The following TAFA5 variants were observed in gnomAD, a reference collection of about 807,000 sequenced individuals.
TAFA5 encodes the protein TAFA chemokine like family member 5, also known as chemokine-like protein TAFA-5.
In TAFA5, 6 loss-of-function variants were observed where a neutral mutation model predicts 15.3. The ratio of observed to expected loss-of-function variants is 0.39; its 90% CI spans 0.21 to 0.77. The LOEUF is 0.77. TAFA5 is among the 30% of genes least tolerant of loss of function. The pLI is 0.41. For synonymous variants in TAFA5, 103 were observed against 80.7 expected, an observed-to-expected ratio of 1.28 and a Z score of -1.48; for missense variants, 161 against 193.1, an observed-to-expected ratio of 0.83 and a Z score of 0.98.
At chr22:48,521,999 G>A (rs905470613) in intron 1 of TAFA5, among the ~76,000 whole-genome samples, 5 of 152,234 alleles carry the variant, frequency 3.3e-5, no homozygotes, top group East Asian at 1.9e-4. Flanking sequence ...CCCACCCTCC[G>A]GATGGGGAGC....
At chr22:48,686,896 TTGAA>T (rs1448695598) in intron 2 of TAFA5, among the ~76,000 whole-genome samples, 5 of 97,584 alleles carry the variant, frequency 5.1e-5, no homozygotes, top group South Asian at 8.5e-4. Context: ...GGATTGATGG[TTGAA>T]TGGATGGATG....
intron 3 of TAFA5, among the ~76,000 whole-genome samples, chr22:48,721,428 G>A (rs917421379): frequency 7.9e-5 from 12 of 152,214 alleles, no homozygotes; most frequent in African/African-American, 2.7e-4. Context: ...GTCCTCACCA[G>A]AGCCGTTGGA....
Position 48,598,166 on chromosome 22 carries a change from T to C in TAFA5, c.113-48431T>C, listed in dbSNP as rs1924839334. On this transcript the variant is annotated intron_variant, in intron 1 of 3. Transcript: ENST00000402357. The surrounding 1 kb of genome is among the most constrained non-coding windows in gnomAD (Gnocchi z 4.0). ...TGAGGCCTCCGCTGGAGAATTCTTTTCTTGCTTGAGGAAGGTCCATCTTTG... is the reference window on the plus strand; with the variant it reads ...TGAGGCCTCCGCTGGAGAATTCTTTCCTTGCTTGAGGAAGGTCCATCTTTG... Among the ~76,000 whole-genome samples, 1 of 152,328 alleles carries C rather than the reference T, an allele frequency of 6.6e-6. No individual in the cohort carries two copies. Among genetic ancestry groups the C allele is most frequent in the Admixed American group, 6.5e-5 (1 of 15,300 alleles).
intron 1 of TAFA5, among the ~76,000 whole-genome samples, chr22:48,622,456 A>G (rs1925874205): frequency 6.6e-6 from 1 of 152,148 alleles, no homozygotes; most frequent in Non-Finnish European, 1.5e-5. Flanking sequence ...CAGCTCCACT[A>G]CAGCACGGGG....
intron 1 of TAFA5, among the ~76,000 whole-genome samples, chr22:48,507,726 A>G (rs1921050407): frequency 6.6e-6 from 1 of 152,028 alleles, no homozygotes; most frequent in South Asian, 2.1e-4. Context: ...GAAACACTCC[A>G]GGTGGTCGAC....
intron 1 of TAFA5, among the ~76,000 whole-genome samples, chr22:48,499,224 G>T (rs781192305): frequency 5.3e-5 from 8 of 152,124 alleles, no homozygotes; most frequent in Non-Finnish European, 1.2e-4. Context: ...ACATGTAACC[G>T]TGCTGCCGAT....
At chr22:48,542,773 TGTG>T (rs1922504313) in intron 1 of TAFA5, among the ~76,000 whole-genome samples, 2 of 147,546 alleles carry the variant, frequency 1.4e-5, no homozygotes, top group South Asian at 2.2e-4. Context: ...GTGTATGATG[TGTG>T]GTGTATGTCA....
At chr22:48,533,763 C>T (rs1601560440) in intron 1 of TAFA5, among the ~76,000 whole-genome samples, 1 of 135,520 alleles carries the variant, frequency 7.4e-6, no homozygotes, top group Non-Finnish European at 1.7e-5. Flanking sequence ...TTTCACATTT[C>T]CCCAAACCTT....
intron 1 of TAFA5, among the ~76,000 whole-genome samples, chr22:48,529,691 G>A (rs1488013466): frequency 6.6e-6 from 1 of 151,774 alleles, no homozygotes; most frequent in Non-Finnish European, 1.5e-5. Context: ...GGGGTGTCCA[G>A]GTGGGATTCC....
chr22:48,624,019 G>T (rs796668305), intron 1 of TAFA5, among the ~76,000 whole-genome samples: 11 of 152,192 alleles, frequency 7.2e-5, no homozygotes, highest in African/African-American at 2.4e-4. Context: ...TTCTTTCTGA[G>T]ATCCCATCCA....
Position 48,545,170 on chromosome 22 carries a change from C to G in TAFA5, c.112+55466C>G, listed in dbSNP as rs5768719. On this transcript the variant is annotated intron_variant, in intron 1 of 3. Transcript: ENST00000402357. Reference sequence around the variant, plus strand: ...TTGTGGGAGACACTATTCTCTCTCCCTCTTGCTCTGCCCTCCCCTCAGTCT... The same window carrying G: ...TTGTGGGAGACACTATTCTCTCTCCGTCTTGCTCTGCCCTCCCCTCAGTCT... 133 of 326,178 alleles carry G rather than the reference C, an allele frequency of 4.1e-4. 2 individuals carry two copies. Among genetic ancestry groups the G allele is most frequent in the South Asian group, 3.5e-3 (132 of 38,202 alleles). 20.2% of individuals were successfully genotyped at this position (326,178 alleles called of 1,614,324 possible). A position where few individuals can be genotyped will look rare whatever the true frequency, so the allele number is the denominator to read the frequency against.
At position 48,584,356 on chromosome 22, in the gene TAFA5, G is replaced by A. The variant is rs571851278; in HGVS notation, c.113-62241G>A. The stretch of plus-strand genomic sequence containing the variant: ...AGATATCACACACACCACACACACC[G>A]TGCACCACACACAGTACACACCACA... On this transcript the variant is annotated intron_variant, in intron 1 of 3. Transcript: ENST00000402357. 6.6e-5 allele frequency among the ~76,000 whole-genome samples: 8 copies of A among 121,018 alleles called. No individual in the cohort carries two copies. In the South Asian group the frequency reaches 8.6e-4, roughly 13 times the overall value. 79.4% of individuals were successfully genotyped at this position (121,018 alleles called of 152,430 possible). A position where few individuals can be genotyped will look rare whatever the true frequency, so the allele number is the denominator to read the frequency against.
chr22:48,495,043 G>A (rs1310157116), intron 1 of TAFA5, among the ~76,000 whole-genome samples: 2 of 152,204 alleles, frequency 1.3e-5, no homozygotes, highest in Admixed American at 6.5e-5. Context: ...AGCATCCTGC[G>A]GGACGGTGGG....
chr22:48,684,635 C>T (rs6010587), intron 2 of TAFA5, among the ~76,000 whole-genome samples: 13,264 of 152,260 alleles, frequency 0.087, 1,921 homozygotes, highest in African/African-American at 0.3. Flanking sequence ...GGCCTCCCCA[C>T]ACTCCTGCCC....
intron 1 of TAFA5, among the ~76,000 whole-genome samples, chr22:48,578,161 G>A (rs2147143670): frequency 6.6e-6 from 1 of 152,342 alleles, no homozygotes; most frequent in South Asian, 2.1e-4. Flanking sequence ...CTTGCGGAAA[G>A]GGCGTGTATG....
intron 1 of TAFA5, among the ~76,000 whole-genome samples, chr22:48,554,254 G>C (rs571035758): frequency 6.6e-6 from 1 of 152,076 alleles, no homozygotes; most frequent in Non-Finnish European, 1.5e-5. Flanking sequence ...TGACGGGCTA[G>C]TTTAGGCCGT....
chr22:48,684,943 CGCCAGTGACCATG>C (rs1569078273), intron 2 of TAFA5, among the ~76,000 whole-genome samples: 1 of 152,128 alleles, frequency 6.6e-6, no homozygotes, highest in African/African-American at 2.4e-5. Context: ...GTTTATTCTC[CGCCAGTGACCATG>C]GCCTTGGGTG....
At position 48,610,227 on chromosome 22, in the gene TAFA5, C is replaced by T. The variant is rs867523065; in HGVS notation, c.113-36370C>T. Among the ~76,000 whole-genome samples, 4 of 151,984 alleles carry T rather than the reference C, an allele frequency of 2.6e-5. No individual in the cohort carries two copies. In the South Asian group the frequency reaches 8.3e-4, roughly 32 times the overall value. On this transcript the variant is annotated intron_variant, in intron 1 of 3. Coordinates refer to ENST00000402357, the MANE Select transcript of TAFA5 (RefSeq NM_001082967.3). ...CTGGCTGCACTGCTGCAGGCACGTTCCTGAGGGTACTGGAGGACAGGCCGG... is the reference window on the plus strand; with the variant it reads ...CTGGCTGCACTGCTGCAGGCACGTTTCTGAGGGTACTGGAGGACAGGCCGG...
intron 1 of TAFA5, among the ~76,000 whole-genome samples, chr22:48,568,761 C>G (rs1470072671): frequency 6.6e-6 from 1 of 152,194 alleles, no homozygotes; most frequent in Admixed American, 6.5e-5. Context: ...AAGCCCATTG[C>G]TTTTTGCCCC....
Sources: gnomAD v4.1 joint callset for allele counts (sites outside exome capture counted in the v4.1 genomes callset) on GRCh38, gnomAD v4.1.1 for gene constraint, Gnocchi (gnomAD v3.1) non-coding constraint, MANE v1.5 for transcripts, NCBI Gene and HGNC (gene_info 2026-07-23, HGNC 2026-07-21) for gene names.